BRD10: variants seen among roughly 807,000 people sequenced by gnomAD.
The protein encoded by BRD10 is bromodomain containing 10.
the BRD10 span, among the ~76,000 whole-genome samples, chr9:5,946,813 A>G: frequency 6.6e-6 from 1 of 152,068 alleles, no homozygotes; most frequent in Non-Finnish European, 1.5e-5. Context: ...CCATGAAGAC[A>G]TATACCCCTA....
chr9:5,908,920 CAATA>C, the BRD10 span: 2 of 547,492 alleles, frequency 3.7e-6, no homozygotes, highest in Non-Finnish European at 6.5e-6. Flanking sequence ...AAAACTCCAT[CAATA>C]AATGTTGCAA....
the BRD10 span, among the ~76,000 whole-genome samples, chr9:5,924,173 C>A: frequency 7.9e-5 from 12 of 152,050 alleles, no homozygotes; most frequent in Non-Finnish European, 1.5e-4. Context: ...GAACCAATTT[C>A]AAAGGGATTA....
the BRD10 span, among the ~76,000 whole-genome samples, chr9:5,947,469 C>T: frequency 9.9e-5 from 15 of 151,984 alleles, no homozygotes; most frequent in African/African-American, 2.9e-4. Flanking sequence ...ATTAAATGTA[C>T]GATAAGACAA....
chr9:5,896,590 A>G, the BRD10 span, among the ~76,000 whole-genome samples: 1 of 152,222 alleles, frequency 6.6e-6, no homozygotes, highest in Non-Finnish European at 1.5e-5. Flanking sequence ...TAAGTCACTC[A>G]GCTCTGCAGA....
the BRD10 span, among the ~76,000 whole-genome samples, chr9:5,947,802 A>G: frequency 6.6e-6 from 1 of 152,156 alleles, no homozygotes; most frequent in Non-Finnish European, 1.5e-5. Flanking sequence ...TTAAAAACAG[A>G]ATCAACCCAA....
chr9:6,003,527 G>A, the BRD10 span, among the ~76,000 whole-genome samples: 3 of 152,084 alleles, frequency 2.0e-5, no homozygotes, highest in Non-Finnish European at 4.4e-5. Context: ...CTTGAGAATA[G>A]ATATGTTATC....
the BRD10 span, among the ~76,000 whole-genome samples, chr9:5,894,715 A>C: frequency 2.6e-5 from 4 of 152,300 alleles, no homozygotes; most frequent in South Asian, 8.3e-4. The surrounding 1 kb of genome is among the most constrained non-coding windows in gnomAD (Gnocchi z 4.0). Flanking sequence ...TCCTGACAGG[A>C]GCCAGAAGCA....
At chr9:5,912,921 A>G in the BRD10 span, among the ~76,000 whole-genome samples, 4 of 152,292 alleles carry the variant, frequency 2.6e-5, no homozygotes, top group African/African-American at 7.2e-5. Context: ...TGTACAAATA[A>G]TAGTACTTTT....
the BRD10 span, chr9:5,969,261 C>T: frequency 3.7e-6 from 6 of 1,613,868 alleles, no homozygotes; most frequent in Non-Finnish European, 3.4e-6. Flanking sequence ...TCGTAAAAGA[C>T]TATTTCTGGC....
chr9:5,997,605 A>T, the BRD10 span, among the ~76,000 whole-genome samples: 1 of 152,350 alleles, frequency 6.6e-6, no homozygotes, highest in African/African-American at 2.4e-5. Context: ...AAATAGATCC[A>T]AATACACCAA....
chr9:5,890,959 A>G, the BRD10 span: 1 of 152,182 alleles, frequency 6.6e-6, no homozygotes, highest in African/African-American at 2.4e-5. Context: ...CCTTCTCGCC[A>G]TAATCATAGT....
At chr9:6,008,232 G>A in the BRD10 span, 3 of 981,304 alleles carry the variant, frequency 3.1e-6, no homozygotes, top group Non-Finnish European at 3.6e-6. Flanking sequence ...GGCCGCAGCG[G>A]CGGCTCCGGC....
the BRD10 span, among the ~76,000 whole-genome samples, chr9:5,980,443 C>T: frequency 6.6e-6 from 1 of 152,098 alleles, no homozygotes; most frequent in South Asian, 2.1e-4. Flanking sequence ...AGAGGAATGC[C>T]AGGATTTTAA....
At chr9:5,995,350 C>T in the BRD10 span, among the ~76,000 whole-genome samples, 2 of 152,212 alleles carry the variant, frequency 1.3e-5, no homozygotes, top group African/African-American at 2.4e-5. Flanking sequence ...CCAGGCCCAT[C>T]CTTACTTTAT....
the BRD10 span, among the ~76,000 whole-genome samples, chr9:5,960,021 C>G: frequency 6.6e-6 from 1 of 152,158 alleles, no homozygotes; most frequent in Non-Finnish European, 1.5e-5. Flanking sequence ...CATTTTCCAC[C>G]TATCCAATTC....
chr9:5,939,858 C>G, the BRD10 span, among the ~76,000 whole-genome samples: 1 of 152,150 alleles, frequency 6.6e-6, no homozygotes, highest in Non-Finnish European at 1.5e-5. Context: ...AATGCCAGTG[C>G]CACTTCTTCA....
chr9:5,932,456 C>G, the BRD10 span, among the ~76,000 whole-genome samples: 8 of 152,070 alleles, frequency 5.3e-5, no homozygotes. Context: ...ACACTAAACA[C>G]ATACAGACTT....
the BRD10 span, among the ~76,000 whole-genome samples, chr9:5,959,522 G>C: frequency 6.6e-6 from 1 of 152,016 alleles, no homozygotes; most frequent in African/African-American, 2.4e-5. Context: ...ATGAGTACTC[G>C]GTTTTTTAGA....
At chr9:5,897,630 C>T in the BRD10 span, 45 of 1,613,910 alleles carry the variant, frequency 2.8e-5, no homozygotes, top group East Asian at 2.0e-4. Flanking sequence ...TTGTAGAAGA[C>T]GAAATGGATA....
Sources: gnomAD v4.1 joint callset for allele counts (sites outside exome capture counted in the v4.1 genomes callset) on GRCh38, gnomAD v4.1.1 for gene constraint, Gnocchi (gnomAD v3.1) non-coding constraint, MANE v1.5 for transcripts, NCBI Gene and HGNC (gene_info 2026-07-23, HGNC 2026-07-21) for gene names.